The following MACROD1 variants were observed in gnomAD, a reference collection of about 807,000 sequenced individuals.
MACROD1 encodes the protein ADP-ribose glycohydrolase MACROD1.
MACROD1 carries 31 observed loss-of-function variants against 41.4 expected under a neutral mutation model. The observed-to-expected ratio is 0.75, with a 90% confidence interval of 0.56 to 1.01. The LOEUF is 1.01. Ranked by LOEUF, MACROD1 falls within the 50% of genes least tolerant of loss-of-function variation. The pLI, the probability that MACROD1 is intolerant of heterozygous loss-of-function variation, is 0.00. For missense variants in MACROD1, 473 were observed against 460.0 expected (o/e 1.03, Z -0.26); for synonymous variants, 252 against 203.4 (o/e 1.24, Z -2.03).
At chr11:64,157,249 C>A (rs1945683480) in intron 1 of MACROD1, among the ~76,000 whole-genome samples, 1 of 152,140 alleles carries the variant, frequency 6.6e-6, no homozygotes, top group Non-Finnish European at 1.5e-5. Context: ...TGCACCACCA[C>A]ACCCAGCTAA....
chr11:64,154,470 C>T (rs948916557), intron 1 of MACROD1, among the ~76,000 whole-genome samples: 29 of 152,092 alleles, frequency 1.9e-4, no homozygotes, highest in Non-Finnish European at 5.9e-5. Context: ...CAGCTGATCT[C>T]CGTGTGCATC....
chr11:64,161,753 G>A (rs375262199), intron 1 of MACROD1, among the ~76,000 whole-genome samples: 43 of 152,138 alleles, frequency 2.8e-4, no homozygotes, highest in African/African-American at 9.6e-4. Context: ...GGGTAACATG[G>A]TGAAACCCAG....
chr11:64,148,806 G>T (rs1945533347), intron 3 of MACROD1: 2 of 985,604 alleles, frequency 2.0e-6, no homozygotes, highest in South Asian at 9.4e-5. Flanking sequence ...CCTGGGAACT[G>T]CAATCTCTGC....
chr11:64,130,772 C>T (rs1158771533), intron 3 of MACROD1, among the ~76,000 whole-genome samples: 1 of 152,234 alleles, frequency 6.6e-6, no homozygotes, highest in Non-Finnish European at 1.5e-5. Context: ...GCCACCCTGT[C>T]CAGCACCTCC....
chr11:64,102,364 A>AC (rs59852408), intron 3 of MACROD1, among the ~76,000 whole-genome samples: 26,909 of 151,794 alleles, frequency 0.18, 2,559 homozygotes, highest in Admixed American at 0.29. Flanking sequence ...TTGAGGACTG[A>AC]CCCCCCACCT....
At chr11:64,148,348 G>A (rs1054805381) in intron 3 of MACROD1, among the ~76,000 whole-genome samples, 10 of 152,178 alleles carry the variant, frequency 6.6e-5, no homozygotes, top group Admixed American at 2.0e-4. Flanking sequence ...CCCAGGCAGC[G>A]ACAGCCCCTC....
chr11:64,080,243 C>T (rs1300142732), intron 3 of MACROD1, among the ~76,000 whole-genome samples: 2 of 152,162 alleles, frequency 1.3e-5, no homozygotes, highest in Non-Finnish European at 2.9e-5. Context: ...AAACTCCTGA[C>T]CTCAAGTGAT....
intron 3 of MACROD1, among the ~76,000 whole-genome samples, chr11:64,016,550 A>G (rs1943083529): frequency 6.6e-6 from 1 of 152,198 alleles, no homozygotes; most frequent in Admixed American, 6.5e-5. Flanking sequence ...CAGGCCCAAG[A>G]TGCCGTGAGG....
rs370018501 is a variant in MACROD1, at chr11:64,098,501, C to T, written c.517+52738G>A. Among the ~76,000 whole-genome samples the T allele has an allele frequency of 3.0e-3, 451 of 152,316 alleles. 2 individuals carry two copies. The highest frequency in any genetic ancestry group is 0.01 in the African/African-American group (423 of 41,564). ...CCCAGCCTTCTGTCTCCAGTGCCCT[C>T]GGGAGAGAGGGAATAAGCAGCCCCC... is the stretch of plus-strand genomic sequence containing the variant. On this transcript the variant is annotated intron_variant, in intron 3 of 10. Coordinates refer to ENST00000255681, the MANE Select transcript of MACROD1 (RefSeq NM_014067.4).
intron 3 of MACROD1, among the ~76,000 whole-genome samples, chr11:64,021,758 T>G (rs185303798): frequency 4.2e-3 from 633 of 151,882 alleles, no homozygotes; most frequent in Middle Eastern, 6.8e-3. Context: ...CTCTGACAAG[T>G]GTGCAGCCAG....
intron 3 of MACROD1, among the ~76,000 whole-genome samples, chr11:64,037,906 A>G (rs746167030): frequency 1.3e-5 from 2 of 152,164 alleles, no homozygotes; most frequent in Non-Finnish European, 2.9e-5. Context: ...AGCCTGAGCC[A>G]GGGTGCTGCT....
At chr11:64,022,425 T>G (rs1043298945) in intron 3 of MACROD1, among the ~76,000 whole-genome samples, 1 of 152,126 alleles carries the variant, frequency 6.6e-6, no homozygotes, top group African/African-American at 2.4e-5. Flanking sequence ...GCTCCATGAC[T>G]GCCAACTGTC....
intron 4 of MACROD1, among the ~76,000 whole-genome samples, chr11:64,009,827 CAT>C (rs1285927930): frequency 1.3e-5 from 2 of 152,248 alleles, no homozygotes; most frequent in Non-Finnish European, 2.9e-5. Context: ...AATCACCGCA[CAT>C]TTGCCGTAAA....
At chr11:64,086,710 A>C (rs1348904260) in intron 3 of MACROD1, among the ~76,000 whole-genome samples, 2 of 152,190 alleles carry the variant, frequency 1.3e-5, no homozygotes, top group Non-Finnish European at 2.9e-5. Context: ...GGAGAAGGGC[A>C]TGAAGAAGGA....
chr11:64,164,432 T>C (rs1018259688), intron 1 of MACROD1, among the ~76,000 whole-genome samples: 1 of 152,218 alleles, frequency 6.6e-6, no homozygotes, highest in African/African-American at 2.4e-5. Context: ...TCCTGGGTTG[T>C]TGTCCTCTGA....
Position 64,151,326 on chromosome 11 carries a change from A to G in MACROD1, c.430T>C (p.Tyr144His). Reference protein sequence around the residue: ...GVAVKVEEPRYKKDKQLNEKI... With the variant: ...GVAVKVEEPRHKKDKQLNEKI... ...TCATTGAGCTGCTTGTCCTTTTTAT[A>G]CCTGGGCTCCTCCACCTTCACAGCC... is the stretch of plus-strand genomic sequence containing the variant. Residue 144 changes from tyrosine (Y) to histidine (H), a missense_variant, in exon 3 of 11, where the codon TAT (tyrosine) becomes CAT (histidine). By Grantham distance (83) the Tyr-to-His change is moderately conservative (BLOSUM62 2). Transcript: ENST00000255681. 2 of 1,613,650 alleles carry G rather than the reference A, an allele frequency of 1.2e-6. No individual in the cohort carries two copies. Among genetic ancestry groups the G allele is most frequent in the Non-Finnish European group, 1.7e-6 (2 of 1,179,938 alleles).
intron 1 of MACROD1, among the ~76,000 whole-genome samples, chr11:64,154,504 G>A (rs964553894): frequency 2.0e-5 from 3 of 151,866 alleles, no homozygotes; most frequent in East Asian, 1.9e-4. Flanking sequence ...TTCCTTGACC[G>A]GCAGCCATGG....
intron 3 of MACROD1, among the ~76,000 whole-genome samples, chr11:64,123,839 ACT>A (rs1003862173): frequency 2.6e-5 from 4 of 151,884 alleles, no homozygotes; most frequent in Admixed American, 6.6e-5. Flanking sequence ...GGGAAGAGAA[ACT>A]CTAGCCCAGC....
chr11:64,134,469 A>G (rs1945305716), intron 3 of MACROD1, among the ~76,000 whole-genome samples: 1 of 152,186 alleles, frequency 6.6e-6, no homozygotes, highest in Admixed American at 6.5e-5. Context: ...ACCCACAGGG[A>G]GGAGGGAAAG....
Sources: allele counts gnomAD v4.1 joint callset (sites outside exome capture counted in the v4.1 genomes callset), GRCh38; gene constraint gnomAD v4.1.1; transcripts MANE v1.5; gene names NCBI Gene and HGNC (gene_info 2026-07-23, HGNC 2026-07-21).